Variants in CFAP20DC observed in about 807,000 individuals in gnomAD.
The protein encoded by CFAP20DC is CFAP20 domain containing, also known as protein CFAP20DC.
CFAP20DC carries 84 observed loss-of-function variants against 101.7 expected under a neutral mutation model. The ratio of observed to expected loss-of-function variants is 0.83; its 90% CI spans 0.69 to 0.99. The LOEUF is 0.99. Ranked by LOEUF, CFAP20DC falls within the 50% of genes least tolerant of loss-of-function variation. The pLI is 0.00. For missense variants in CFAP20DC, 1,007 were observed against 970.3 expected, an observed-to-expected ratio of 1.04 and a Z score of -0.50; for synonymous variants, 359 against 351.2, an observed-to-expected ratio of 1.02 and a Z score of -0.25.
intron 15 of CFAP20DC, among the ~76,000 whole-genome samples, chr3:58,770,056 TC>T (rs1338870669): frequency 6.6e-6 from 1 of 152,194 alleles, no homozygotes; most frequent in African/African-American, 2.4e-5. Flanking sequence ...TTTCTATCTT[TC>T]CTGTATGCCA....
intron 14 of CFAP20DC, among the ~76,000 whole-genome samples, chr3:58,829,496 A>T (rs185582386): frequency 4.6e-5 from 7 of 152,260 alleles, no homozygotes; most frequent in Non-Finnish European, 2.9e-5. Flanking sequence ...AGCAAGACAC[A>T]GAGTTCATTA....
At chr3:58,794,130 G>A (rs1034488475) in intron 15 of CFAP20DC, 6 of 293,446 alleles carry the variant, frequency 2.0e-5, no homozygotes, top group Non-Finnish European at 4.2e-5. Flanking sequence ...GTAATTCAAA[G>A]GTCACTACTG....
At chr3:58,984,849 T>A (rs912159134) in intron 4 of CFAP20DC, among the ~76,000 whole-genome samples, 3 of 152,192 alleles carry the variant, frequency 2.0e-5, no homozygotes, top group Non-Finnish European at 2.9e-5. Flanking sequence ...TTGTGAGAGT[T>A]AAAGGAACTT....
At chr3:58,766,863 A>T (rs1373769034) in intron 15 of CFAP20DC, among the ~76,000 whole-genome samples, 1 of 152,128 alleles carries the variant, frequency 6.6e-6, no homozygotes, top group Non-Finnish European at 1.5e-5. Context: ...TGGTGAATTC[A>T]TACCCAGCCT....
chr3:59,022,211 T>G (rs939499640), intron 4 of CFAP20DC, among the ~76,000 whole-genome samples: 1 of 152,042 alleles, frequency 6.6e-6, no homozygotes, highest in Non-Finnish European at 1.5e-5. Context: ...TTTTTGCAAC[T>G]CAAGCACTAA....
chr3:58,810,775 C>A (rs1370727626), intron 14 of CFAP20DC, among the ~76,000 whole-genome samples: 1 of 151,440 alleles, frequency 6.6e-6, no homozygotes, highest in Non-Finnish European at 1.5e-5. Flanking sequence ...TCCCTGTTTG[C>A]AGATGACATG....
intron 15 of CFAP20DC, among the ~76,000 whole-genome samples, chr3:58,755,178 C>T (rs1032499304): frequency 9.9e-5 from 15 of 152,080 alleles, no homozygotes; most frequent in Admixed American, 2.6e-4. Flanking sequence ...TAATATTTTA[C>T]GATACTTTCA....
intron 15 of CFAP20DC, among the ~76,000 whole-genome samples, chr3:58,762,049 A>C (rs1314362441): frequency 6.6e-6 from 1 of 152,198 alleles, no homozygotes; most frequent in Non-Finnish European, 1.5e-5. Flanking sequence ...GATGTCTATT[A>C]GGTCTGCTTG....
At chr3:58,820,428 A>G (rs2075547384) in intron 14 of CFAP20DC, among the ~76,000 whole-genome samples, 5 of 150,364 alleles carry the variant, frequency 3.3e-5, no homozygotes, top group African/African-American at 4.9e-5. Flanking sequence ...TTAAGCTGAT[A>G]AGCAACTTCA....
At position 58,861,915 on chromosome 3, in the gene CFAP20DC, A is replaced by G. The variant is rs928479321; in HGVS notation, c.1593+1643T>C. The G allele has an allele frequency of 1.0e-6, 1 of 985,268 alleles. No individual in the cohort carries two copies. Among genetic ancestry groups the G allele is most frequent in the African/African-American group, 1.7e-5 (1 of 57,252 alleles). The allele number at this position is 985,268 out of a possible 1,614,324, so 61.0% of individuals were successfully genotyped here. On this transcript the variant is annotated intron_variant, in intron 12 of 16. Coordinates refer to ENST00000482387, the MANE Select transcript of CFAP20DC (RefSeq NM_001394063.1). This position sits in a 1 kb window ranked among gnomAD's most constrained non-coding sequence, Gnocchi z 4.0. ...TTTATGTAGTTGGTAACAAATACAC[A>G]TCTGCATAATAAACGTTGAAGGATG...
At chr3:58,761,335 A>G (rs1408612432) in intron 15 of CFAP20DC, among the ~76,000 whole-genome samples, 1 of 152,126 alleles carries the variant, frequency 6.6e-6, no homozygotes, top group Non-Finnish European at 1.5e-5. Context: ...AGGTGTTTAT[A>G]GTATTCTCTG....
chr3:59,040,602 A>T (rs1303652637), intron 3 of CFAP20DC, among the ~76,000 whole-genome samples: 1 of 152,046 alleles, frequency 6.6e-6, no homozygotes, highest in Non-Finnish European at 1.5e-5. Flanking sequence ...GACAAAAAAA[A>T]GGCAACTAGT....
intron 4 of CFAP20DC, among the ~76,000 whole-genome samples, chr3:58,948,725 A>G (rs537402022): frequency 1.3e-5 from 2 of 152,226 alleles, no homozygotes; most frequent in East Asian, 1.9e-4. Flanking sequence ...ATCGATGTTC[A>G]TCAGGGATAT....
chr3:58,867,874 T>C lies in CFAP20DC; in HGVS notation c.1078A>G (p.Asn360Asp). The change falls in exon 10 of 17, where the codon AAC becomes GAC. Residue 360 changes from asparagine to aspartate, a missense_variant. Physicochemically the swap from Asn to Asp is conservative, Grantham distance 23. Coordinates refer to ENST00000482387, the MANE Select transcript of CFAP20DC (RefSeq NM_001394063.1). ...CTTTTTAACCGTAATCTTCTTCTGT[T>C]ATTATTCTTATCTGCTGATGGTTCT... is the stretch of plus-strand genomic sequence containing the variant. ...PQEPSADKNN[N>D]RRRLRLKSTS... The C allele has an allele frequency of 6.2e-7, 1 of 1,613,742 alleles. No individual in the cohort carries two copies. Among genetic ancestry groups the C allele is most frequent in the African/African-American group, 1.3e-5 (1 of 75,046 alleles).
At chr3:58,979,770 G>T (rs28601649) in intron 4 of CFAP20DC, among the ~76,000 whole-genome samples, 1 of 151,530 alleles carries the variant, frequency 6.6e-6, no homozygotes, top group African/African-American at 2.4e-5. Flanking sequence ...CCCTAAAGAA[G>T]TGCCTTCACA....
intron 14 of CFAP20DC, among the ~76,000 whole-genome samples, chr3:58,815,118 C>T (rs1354288019): frequency 2.0e-5 from 3 of 150,412 alleles, no homozygotes; most frequent in Non-Finnish European, 3.0e-5. Context: ...TACTACAAGG[C>T]TACAGTAACC....
At chr3:58,775,097 C>A (rs1317551249) in intron 15 of CFAP20DC, among the ~76,000 whole-genome samples, 1 of 152,098 alleles carries the variant, frequency 6.6e-6, no homozygotes, top group East Asian at 1.9e-4. Flanking sequence ...CGACGTGTGT[C>A]CAAGGTGGTC....
chr3:58,850,930 C>T (rs545495522), intron 12 of CFAP20DC, among the ~76,000 whole-genome samples: 2 of 152,060 alleles, frequency 1.3e-5, no homozygotes, highest in African/African-American at 2.4e-5. Flanking sequence ...TGGCAGTCTC[C>T]GGTGAAATCT....
chr3:59,048,232 A>G (rs906911299), intron 1 of CFAP20DC, among the ~76,000 whole-genome samples: 6 of 152,238 alleles, frequency 3.9e-5, no homozygotes, highest in Admixed American at 6.5e-5. Context: ...TATAAACAAT[A>G]TGTGAGCAAA....
Sources: allele counts gnomAD v4.1 joint callset (sites outside exome capture counted in the v4.1 genomes callset), GRCh38; gene constraint gnomAD v4.1.1; non-coding constraint Gnocchi (gnomAD v3.1); transcripts MANE v1.5; gene names NCBI Gene and HGNC (gene_info 2026-07-23, HGNC 2026-07-21).